CDKAL1: variants seen among roughly 807,000 people sequenced by gnomAD.
The protein encoded by CDKAL1 is threonylcarbamoyladenosine tRNA methylthiotransferase.
In CDKAL1, 32 loss-of-function variants were observed where a neutral mutation model predicts 68.2. The ratio of observed to expected loss-of-function variants is 0.47; its 90% CI spans 0.35 to 0.63. The LOEUF is 0.63. CDKAL1 is among the 30% of genes least tolerant of loss of function. The pLI is 0.00. For missense variants in CDKAL1, 606 were observed against 696.7 expected, an observed-to-expected ratio of 0.87 and a Z score of 1.47; for synonymous variants, 234 against 244.3, an observed-to-expected ratio of 0.96 and a Z score of 0.39.
chr6:21,168,980 G>T (rs917266092), intron 13 of CDKAL1, among the ~76,000 whole-genome samples: 1 of 152,062 alleles, frequency 6.6e-6, no homozygotes, highest in Non-Finnish European at 1.5e-5. Context: ...TACACCTCCT[G>T]GGCTGCAAGA....
At chr6:20,687,103 A>G (rs1288889747) in intron 5 of CDKAL1, among the ~76,000 whole-genome samples, 7 of 152,050 alleles carry the variant, frequency 4.6e-5, no homozygotes, top group Non-Finnish European at 1.0e-4. Flanking sequence ...TCTATGGATG[A>G]TTTTATATCT....
chr6:20,644,577 G>A (rs1768346186), intron 4 of CDKAL1, among the ~76,000 whole-genome samples: 2 of 152,152 alleles, frequency 1.3e-5, no homozygotes, highest in African/African-American at 2.4e-5. Context: ...CTACTCAGGA[G>A]GCTGAGGCAG....
intron 9 of CDKAL1, among the ~76,000 whole-genome samples, chr6:20,876,330 G>A (rs1401991301): frequency 6.6e-6 from 1 of 152,172 alleles, no homozygotes; most frequent in Non-Finnish European, 1.5e-5. Flanking sequence ...TAAAGATGCC[G>A]TCAGTACAAA....
At chr6:20,964,536 C>T (rs1307174216) in intron 10 of CDKAL1, among the ~76,000 whole-genome samples, 1 of 152,152 alleles carries the variant, frequency 6.6e-6, no homozygotes, top group Non-Finnish European at 1.5e-5. Context: ...CCTCAGCAAA[C>T]TAACACACAA....
In CDKAL1 at chr6:21,158,257, T is replaced by A. The variant is rs192933703; in HGVS notation, c.1300-39764T>A. ...TCCAACCTTTATTGAGGACAGTAAA[T>A]ACTGCCTCTTATCTCCCATCCCAAG... On this transcript the variant is annotated intron_variant, in intron 13 of 15. Coordinates refer to ENST00000274695, the MANE Select transcript of CDKAL1 (RefSeq NM_017774.3). 2.0e-4 allele frequency among the ~76,000 whole-genome samples: 30 copies of A among 152,338 alleles called. No individual in the cohort carries two copies. The East Asian group carries it at 5.8e-3, about 29-fold the overall frequency.
At chr6:20,602,194 T>A (rs1766132171) in intron 4 of CDKAL1, among the ~76,000 whole-genome samples, 1 of 152,156 alleles carries the variant, frequency 6.6e-6, no homozygotes, top group Non-Finnish European at 1.5e-5. Flanking sequence ...AAGATACTTA[T>A]CTACTCAGTA....
At chr6:20,767,348 T>G (rs924101644) in intron 7 of CDKAL1, among the ~76,000 whole-genome samples, 1 of 152,200 alleles carries the variant, frequency 6.6e-6, no homozygotes, top group Non-Finnish European at 1.5e-5. Flanking sequence ...GTAATTCTTC[T>G]TTAGTACTTT....
rs962331025 is a variant in CDKAL1 at position 20,955,416 on chromosome 6, C to T, written c.743-3C>T. On this transcript the variant is annotated splice_region_variant and splice_polypyrimidine_tract_variant and intron_variant, in intron 9 of 15. Coordinates refer to ENST00000274695, the MANE Select transcript of CDKAL1 (RefSeq NM_017774.3). ...TTTGTTAATTATCTCTTTTGATTCA[C>T]AGAGGGTGTTTGTGAGATATGGTTG... The T allele has an allele frequency of 6.2e-7, 1 of 1,613,862 alleles. No homozygotes were observed. Among genetic ancestry groups the T allele is most frequent in the African/African-American group, 1.3e-5 (1 of 75,028 alleles).
intron 5 of CDKAL1, among the ~76,000 whole-genome samples, chr6:20,728,672 C>A (rs1334688438): frequency 2.0e-5 from 3 of 152,062 alleles, no homozygotes; most frequent in African/African-American, 2.4e-5. Context: ...TTTCCTCTTT[C>A]ATAAAACGAA....
At chr6:20,694,331 C>T (rs1015093063) in intron 5 of CDKAL1, among the ~76,000 whole-genome samples, 6 of 152,180 alleles carry the variant, frequency 3.9e-5, no homozygotes, top group Non-Finnish European at 8.8e-5. Context: ...GCATGAGCCA[C>T]TGTGCCTGGC....
At chr6:21,023,735 A>T (rs1336762487) in intron 11 of CDKAL1, among the ~76,000 whole-genome samples, 6 of 152,182 alleles carry the variant, frequency 3.9e-5, no homozygotes, top group African/African-American at 9.7e-5. Flanking sequence ...TTATCTTAGA[A>T]CAGTGTGCAA....
intron 15 of CDKAL1, among the ~76,000 whole-genome samples, chr6:21,203,691 CTTTT>C (rs915087377): frequency 3.9e-4 from 37 of 94,098 alleles, no homozygotes; most frequent in Admixed American, 8.5e-4. Flanking sequence ...CACTTGACCT[CTTTT>C]TTTTTTTTTT....
intron 11 of CDKAL1, 113 bp downstream of exon 11, chr6:21,000,485 CT>C: frequency 9.0e-6 from 8 of 892,426 alleles, no homozygotes; most frequent in Non-Finnish European, 1.2e-5. Context: ...GAAGGCGAGA[CT>C]TTCGAAGCTT....
chr6:20,759,259 T>G (rs1472645220), intron 7 of CDKAL1, among the ~76,000 whole-genome samples: 2 of 152,106 alleles, frequency 1.3e-5, no homozygotes, highest in Non-Finnish European at 2.9e-5. Flanking sequence ...ATAAAGAAAT[T>G]TTCTGGGCAC....
chr6:20,877,900 C>A (rs1302363932), intron 9 of CDKAL1, among the ~76,000 whole-genome samples: 1 of 152,208 alleles, frequency 6.6e-6, no homozygotes, highest in South Asian at 2.1e-4. Flanking sequence ...CCTAACCACC[C>A]CACTTCCTGC....
At chr6:20,632,376 T>C (rs974742077) in intron 4 of CDKAL1, among the ~76,000 whole-genome samples, 7 of 152,212 alleles carry the variant, frequency 4.6e-5, no homozygotes, top group African/African-American at 1.7e-4. Context: ...ATTTGACACA[T>C]GGGCTCTACT....
At chr6:20,992,795 G>C (rs182275904) in intron 10 of CDKAL1, among the ~76,000 whole-genome samples, 2 of 151,818 alleles carry the variant, frequency 1.3e-5, no homozygotes, top group African/African-American at 4.8e-5. Flanking sequence ...CCATCTACTC[G>C]AGAGGCTGAG....
At chr6:20,898,090 A>G (rs1489923174) in intron 9 of CDKAL1, among the ~76,000 whole-genome samples, 1 of 152,054 alleles carries the variant, frequency 6.6e-6, no homozygotes, top group Non-Finnish European at 1.5e-5. Context: ...AGGATGGCCC[A>G]GCTCCTCTTG....
intron 13 of CDKAL1, among the ~76,000 whole-genome samples, chr6:21,193,524 C>A (rs1391852605): frequency 6.6e-6 from 1 of 152,222 alleles, no homozygotes; most frequent in Non-Finnish European, 1.5e-5. Context: ...CCCACTTCTA[C>A]CAACCTCTCA....
Sources: gnomAD v4.1 joint callset for allele counts (sites outside exome capture counted in the v4.1 genomes callset) on GRCh38, gnomAD v4.1.1 for gene constraint, MANE v1.5 for transcripts, NCBI Gene and HGNC (gene_info 2026-07-23, HGNC 2026-07-21) for gene names.